The following SEM1 variants were observed in gnomAD, a reference collection of about 807,000 sequenced individuals.
SEM1 encodes the protein 26S proteasome complex subunit SEM1.
In SEM1, 3 loss-of-function variants were observed where a neutral mutation model predicts 12.7. That is an observed-to-expected ratio of 0.24 (90% CI 0.11 to 0.61). SEM1 has a LOEUF of 0.61. SEM1 is among the 20% of genes least tolerant of loss of function. The pLI, the probability that SEM1 is intolerant of heterozygous loss-of-function variation, is 0.88. For synonymous variants in SEM1, 30 were observed against 27.8 expected, an observed-to-expected ratio of 1.08 and a Z score of -0.25; for missense variants, 59 against 81.3, an observed-to-expected ratio of 0.73 and a Z score of 1.06.
At chr7:96,553,485 G>A (rs1425586991) in intron 2 of SEM1, among the ~76,000 whole-genome samples, 2 of 150,742 alleles carry the variant, frequency 1.3e-5, no homozygotes, top group African/African-American at 4.9e-5. Context: ...TCTCAGGTTT[G>A]TCAAAGATCA....
upstream of SEM1, among the ~76,000 whole-genome samples, chr7:96,501,321 A>G (rs1160885071): frequency 1.3e-5 from 2 of 152,106 alleles, no homozygotes; most frequent in African/African-American, 4.8e-5. Context: ...ATGTTTTCTC[A>G]CTGACCTTTA....
At chr7:96,487,467 A>AC in intron 1 of SEM1, among the ~76,000 whole-genome samples, 1 of 149,584 alleles carries the variant, frequency 6.7e-6, no homozygotes, top group South Asian at 2.1e-4. Context: ...GTATTTTGGG[A>AC]CCCCCTTTAA....
At chr7:96,586,181 G>T (rs541407361) in intron 2 of SEM1, among the ~76,000 whole-genome samples, 1 of 152,122 alleles carries the variant, frequency 6.6e-6, no homozygotes, top group African/African-American at 2.4e-5. Context: ...ATTTTTCACT[G>T]ACTCAAGGAA....
chr7:96,523,530 T>G (rs1289861589), intron 2 of SEM1, among the ~76,000 whole-genome samples: 4 of 152,156 alleles, frequency 2.6e-5, no homozygotes, highest in African/African-American at 9.7e-5. Context: ...AGCATATTTC[T>G]TGGTTCCCCA....
chr7:96,615,241 C>CTTTTTTCTTTTTTT (rs1807676262), intron 2 of SEM1, among the ~76,000 whole-genome samples: 1 of 126,414 alleles, frequency 7.9e-6, no homozygotes, highest in African/African-American at 3.2e-5. Context: ...TTTGAGTCAT[C>CTTTTTTCTTTTTTT]TTTTTTTTTT....
chr7:96,643,028 G>T lies in SEM1; in HGVS notation c.171-20385C>A, dbSNP rs560077991. Among the ~76,000 whole-genome samples the T allele has an allele frequency of 1.2e-4, 19 of 152,088 alleles. No individual in the cohort carries two copies. In the East Asian group the frequency reaches 3.5e-3, roughly 28 times the overall value. Reference sequence around the variant, plus strand: ...TAAACTTGTGTCATAGGGGTTTATTGTCCAGATTATTTCATCACCCATGGA... The same window carrying T: ...TAAACTTGTGTCATAGGGGTTTATTTTCCAGATTATTTCATCACCCATGGA... On this transcript the variant is annotated intron_variant, in intron 2 of 2. Coordinates refer to the SEM1 transcript ENST00000417009.
chr7:96,707,679 A>G (rs1447727966), intron 1 of SEM1, among the ~76,000 whole-genome samples: 1 of 152,148 alleles, frequency 6.6e-6, no homozygotes, highest in African/African-American at 2.4e-5. Context: ...CTATATAACT[A>G]CTGACACTTT....
At chr7:96,496,352 T>C, upstream of SEM1, 3 of 1,293,400 alleles carry the variant, frequency 2.3e-6, no homozygotes, top group Non-Finnish European at 3.2e-6. Flanking sequence ...CTGTGTGAAA[T>C]AAATTAATTA....
intron 1 of SEM1, chr7:96,696,894 A>G (rs1009867976): frequency 2.0e-5 from 3 of 152,002 alleles, no homozygotes; most frequent in Admixed American, 2.0e-4. Flanking sequence ...TTAATTTTCA[A>G]CTCTAACACT....
At chr7:96,662,201 T>C (rs1372236045) in intron 2 of SEM1, among the ~76,000 whole-genome samples, 1 of 152,142 alleles carries the variant, frequency 6.6e-6, no homozygotes, top group Non-Finnish European at 1.5e-5. Context: ...TAAATCATTC[T>C]ACTATAAACA....
upstream of SEM1, among the ~76,000 whole-genome samples, chr7:96,499,528 G>A (rs1034149415): frequency 5.3e-5 from 8 of 152,204 alleles, no homozygotes; most frequent in African/African-American, 1.9e-4. Flanking sequence ...TGAACAAAGC[G>A]AGTCAATTTT....
chr7:96,652,526 A>G (rs961437340), intron 2 of SEM1, among the ~76,000 whole-genome samples: 14 of 152,070 alleles, frequency 9.2e-5, no homozygotes, highest in African/African-American at 3.4e-4. Context: ...GATATATGCT[A>G]CATAAATGAT....
intron 2 of SEM1, among the ~76,000 whole-genome samples, chr7:96,574,711 T>C (rs1325805874): frequency 6.6e-6 from 1 of 152,216 alleles, no homozygotes; most frequent in Admixed American, 6.5e-5. Flanking sequence ...TTCATTGAGT[T>C]GATCTTCAAT....
exon 2 of SEM1, chr7:96,486,214 G>C (rs1802752035): frequency 6.5e-7 from 1 of 1,535,610 alleles, no homozygotes; most frequent in African/African-American, 1.4e-5. Flanking sequence ...TGCAGACCCA[G>C]GCTAACTCTG....
At chr7:96,694,996 C>A in intron 1 of SEM1, 105 bp from the exon 2 acceptor site, 1 of 726,652 alleles carries the variant, frequency 1.4e-6, no homozygotes, top group Non-Finnish European at 2.3e-6. Flanking sequence ...TCAAAAACAG[C>A]TAAAACCATA....
intron 2 of SEM1, among the ~76,000 whole-genome samples, chr7:96,598,981 A>G (rs1249323379): frequency 6.6e-6 from 1 of 152,128 alleles, no homozygotes; most frequent in African/African-American, 2.4e-5. Context: ...AGAGAGATAC[A>G]ACCAAGAGGG....
chr7:96,622,261 G>A (rs1219404451), downstream of SEM1: 6 of 98,816 alleles, frequency 6.1e-5, no homozygotes, highest in East Asian at 8.2e-4. Context: ...GAACATAAAA[G>A]GACATGGAAA....
At chr7:96,579,157 T>A (rs1015235694) in intron 2 of SEM1, among the ~76,000 whole-genome samples, 1 of 152,216 alleles carries the variant, frequency 6.6e-6, no homozygotes, top group Non-Finnish European at 1.5e-5. Context: ...AGATTCCAAG[T>A]TTCTCTCTTT....
chr7:96,629,730 T>A (rs1458423994), intron 2 of SEM1, among the ~76,000 whole-genome samples: 1 of 152,102 alleles, frequency 6.6e-6, no homozygotes, highest in Non-Finnish European at 1.5e-5. Context: ...AAGAGTTAGG[T>A]ATTCATTGTA....
Sources: allele counts gnomAD v4.1 joint callset (sites outside exome capture counted in the v4.1 genomes callset), GRCh38; gene constraint gnomAD v4.1.1; transcripts MANE v1.5; gene names NCBI Gene and HGNC (gene_info 2026-07-23, HGNC 2026-07-21).